TP53INP2: variants seen among roughly 807,000 people sequenced by gnomAD.
TP53INP2 encodes tumor protein p53 inducible nuclear protein 2.
In TP53INP2, 12 loss-of-function variants were observed where a neutral mutation model predicts 17.1. The ratio of observed to expected loss-of-function variants is 0.70; its 90% CI spans 0.45 to 1.14. The LOEUF is 1.14. Ranked by LOEUF, TP53INP2 falls within the 50% of genes most tolerant of loss-of-function variation. The probability of loss-of-function intolerance (pLI) is 0.00; values close to 1 mark genes in which losing one functional copy is unlikely to be tolerated. For missense variants in TP53INP2, 342 were observed against 330.9 expected (o/e 1.03, Z -0.26); for synonymous variants, 145 against 147.3 (o/e 0.98, Z 0.12).
chr20:34,709,254 C>A lies in TP53INP2; in HGVS notation c.143C>A (p.Pro48His). 6.3e-7 allele frequency: 1 copy of A among 1,575,170 alleles called. No homozygotes were observed. Among genetic ancestry groups the A allele is most frequent in the Non-Finnish European group, 8.6e-7 (1 of 1,160,276 alleles). The part of the protein sequence containing the change: ...IDLPDSYAAP[P>H]SPGAAPAPAG... ...CCCGTAGACAGCTACGCGGCTCCACCCAGCCCCGGGGCCGCCCCTGCCCCC... is the reference window on the plus strand; with the variant it reads ...CCCGTAGACAGCTACGCGGCTCCACACAGCCCCGGGGCCGCCCCTGCCCCC... The change falls in exon 4 of 5, where the codon CCC becomes CAC. Residue 48 changes from proline to histidine, a missense_variant. Coordinates refer to ENST00000374810, the MANE Select transcript of TP53INP2 (RefSeq NM_021202.3). This position sits in a 1 kb window ranked among gnomAD's most constrained non-coding sequence, Gnocchi z 5.4.
rs1172236542 is a variant in TP53INP2, at chr20:34,709,546, C to A, written c.413+22C>A. The A allele has an allele frequency of 6.3e-7, 1 of 1,594,576 alleles. No homozygotes were observed. The highest frequency in any genetic ancestry group is 2.2e-5 in the East Asian group (1 of 44,630). ...AAGGGTGAGCGGGCCGGGGGCGGAG[C>A]CTGGAGGCCCAGGGAGACGGATCTT... On this transcript the variant is annotated intron_variant, in intron 4 of 4. Transcript: ENST00000374810. The surrounding 1 kb of genome is among the most constrained non-coding windows in gnomAD (Gnocchi z 5.4).
At chr20:34,707,339 C>T (rs1287861802) in intron 2 of TP53INP2, among the ~76,000 whole-genome samples, 2 of 152,170 alleles carry the variant, frequency 1.3e-5, no homozygotes, top group Non-Finnish European at 2.9e-5. Flanking sequence ...CGAGGTGTGC[C>T]AAATCACATG....
At position 34,711,015 on chromosome 20, in the gene TP53INP2, T is replaced by C. The variant is rs1448591976; in HGVS notation, c.*708T>C. 2 of 153,152 alleles carry C rather than the reference T, an allele frequency of 1.3e-5. No individual in the cohort carries two copies. The highest frequency in any genetic ancestry group is 2.1e-4 in the South Asian group (1 of 4,846). The allele number at this position is 153,152 out of a possible 1,614,324, so 9.5% of individuals were successfully genotyped here. The stretch of plus-strand genomic sequence containing the variant: ...GGAATCTAGGGAACGAGGCAGCCTA[T>C]TGGAGATGCGGACAGGACAGACACG... On this transcript the variant is annotated 3_prime_UTR_variant, in exon 5 of 5. Coordinates refer to ENST00000374810, the MANE Select transcript of TP53INP2 (RefSeq NM_021202.3). The surrounding 1 kb of genome is among the most constrained non-coding windows in gnomAD (Gnocchi z 4.1).
chr20:34,705,289 G>A (rs1314303431), intron 1 of TP53INP2, 69 bp from the exon 2 acceptor site: 1 of 152,240 alleles, frequency 6.6e-6, no homozygotes, highest in Non-Finnish European at 1.5e-5. Flanking sequence ...CTGGGGACCC[G>A]ATCTTGGGCT....
rs369052205 is a variant in TP53INP2 at position 34,710,006 on chromosome 20, G to GCCCC, written c.414-52_414-51insCCCC. 5 of 1,244,766 alleles carry GCCCC rather than the reference G, an allele frequency of 4.0e-6. No homozygotes were observed. The highest frequency in any genetic ancestry group is 5.1e-6 in the Non-Finnish European group (5 of 985,502). 77.1% of individuals were successfully genotyped at this position (1,244,766 alleles called of 1,614,324 possible). Reference sequence around the variant, plus strand: ...GGGTGGGAGATGGCAGCGCCCTCTAGACCCCCCGCCCAGCTTACCCGGCTT... The same window carrying GCCCC: ...GGGTGGGAGATGGCAGCGCCCTCTAGCCCCACCCCCCGCCCAGCTTACCCGGCTT... On this transcript the variant is annotated intron_variant, in intron 4 of 4. Transcript: ENST00000374810. The surrounding 1 kb of genome is among the most constrained non-coding windows in gnomAD (Gnocchi z 4.9).
Position 34,710,564 on chromosome 20 carries a change from C to G in TP53INP2, c.*257C>G, listed in dbSNP as rs1189125459. ...TGCCCCCTACTCCTGGCCCCTCCAT[C>G]CTTTCTTCTCTGGTCCCCATCCCTG... is the stretch of plus-strand genomic sequence containing the variant. On this transcript the variant is annotated 3_prime_UTR_variant, in exon 5 of 5. Transcript: ENST00000374810. The surrounding 1 kb of genome is among the most constrained non-coding windows in gnomAD (Gnocchi z 4.9). The G allele has an allele frequency of 2.8e-6, 1 of 352,942 alleles. No individual in the cohort carries two copies. Among genetic ancestry groups the G allele is most frequent in the African/African-American group, 2.1e-5 (1 of 47,372 alleles). The allele number at this position is 352,942 out of a possible 1,614,324, so 21.9% of individuals were successfully genotyped here.
Position 34,709,932 on chromosome 20 carries a change from G to A in TP53INP2, c.414-126G>A. On this transcript the variant is annotated intron_variant, in intron 4 of 4. Transcript: ENST00000374810. This position sits in a 1 kb window ranked among gnomAD's most constrained non-coding sequence, Gnocchi z 5.4. Reference sequence around the variant, plus strand: ...ACCTCCGGGTTGGTACCCACAAGAAGGGCGTCGGGCACCCCAATCTGAACA... The same window carrying A: ...ACCTCCGGGTTGGTACCCACAAGAAAGGCGTCGGGCACCCCAATCTGAACA... The A allele has an allele frequency of 8.5e-7, 1 of 1,176,976 alleles. No individual in the cohort carries two copies. Among genetic ancestry groups the A allele is most frequent in the South Asian group, 2.4e-5 (1 of 42,362 alleles). The allele number at this position is 1,176,976 out of a possible 1,614,324, so 72.9% of individuals were successfully genotyped here. A position where few individuals can be genotyped will look rare whatever the true frequency, so the allele number is the denominator to read the frequency against.
chr20:34,710,006 G>GGGGCCC lies in TP53INP2; in HGVS notation c.414-52_414-51insGGGCCC. 8.0e-7 allele frequency: 1 copy of GGGGCCC among 1,244,686 alleles called. No individual in the cohort carries two copies. Among genetic ancestry groups the GGGGCCC allele is most frequent in the Non-Finnish European group, 1.0e-6 (1 of 985,418 alleles). The allele number at this position is 1,244,686 out of a possible 1,614,324, so 77.1% of individuals were successfully genotyped here. ...GGGTGGGAGATGGCAGCGCCCTCTA[G>GGGGCCC]ACCCCCCGCCCAGCTTACCCGGCTT... On this transcript the variant is annotated intron_variant, in intron 4 of 4. Transcript: ENST00000374810. This position sits in a 1 kb window ranked among gnomAD's most constrained non-coding sequence, Gnocchi z 4.9.
At position 34,710,013 on chromosome 20, in the gene TP53INP2, C is replaced by CCG. The variant is rs758340643; in HGVS notation, c.414-45_414-44insCG. 3.1e-6 allele frequency: 4 copies of CCG among 1,276,740 alleles called. 1 individual carries two copies. The highest frequency in any genetic ancestry group is 4.0e-6 in the Non-Finnish European group (4 of 1,008,102). The allele number at this position is 1,276,740 out of a possible 1,614,324, so 79.1% of individuals were successfully genotyped here. ...AGATGGCAGCGCCCTCTAGACCCCCCGCCCAGCTTACCCGGCTTGACCGAG... is the reference window on the plus strand; with the variant it reads ...AGATGGCAGCGCCCTCTAGACCCCCCCGGCCCAGCTTACCCGGCTTGACCGAG... On this transcript the variant is annotated intron_variant, in intron 4 of 4. Coordinates refer to ENST00000374810, the MANE Select transcript of TP53INP2 (RefSeq NM_021202.3). This position sits in a 1 kb window ranked among gnomAD's most constrained non-coding sequence, Gnocchi z 4.9.
chr20:34,710,692 T>G lies in TP53INP2; in HGVS notation c.*385T>G. On this transcript the variant is annotated 3_prime_UTR_variant, in exon 5 of 5. Transcript: ENST00000374810. The surrounding 1 kb of genome is among the most constrained non-coding windows in gnomAD (Gnocchi z 4.9). Reference sequence around the variant, plus strand: ...ATCTGGCTCATTCCCCACCTTCAACTCCCACCTTACATGTCTCACACTATC... The same window carrying G: ...ATCTGGCTCATTCCCCACCTTCAACGCCCACCTTACATGTCTCACACTATC... The G allele has an allele frequency of 5.7e-6, 1 of 176,414 alleles. No homozygotes were observed. The highest frequency in any genetic ancestry group is 1.2e-5 in the Non-Finnish European group (1 of 84,064). The allele number at this position is 176,414 out of a possible 1,614,324, so 10.9% of individuals were successfully genotyped here.
At position 34,709,253 on chromosome 20, in the gene TP53INP2, C is replaced by A. The variant is rs1336254374; in HGVS notation, c.142C>A (p.Pro48Thr). The A allele has an allele frequency of 6.4e-7, 1 of 1,574,196 alleles. No individual in the cohort carries two copies. Among genetic ancestry groups the A allele is most frequent in the Non-Finnish European group, 8.6e-7 (1 of 1,159,764 alleles). ...CCCCGTAGACAGCTACGCGGCTCCA[C>A]CCAGCCCCGGGGCCGCCCCTGCCCC... ...IDLPDSYAAP[P>T]SPGAAPAPAG... The change falls in exon 4 of 5, where the codon CCC (proline) becomes ACC (threonine). Residue 48 changes from proline to threonine, a missense_variant. By Grantham distance (38) the Pro-to-Thr change is conservative. Coordinates refer to ENST00000374810, the MANE Select transcript of TP53INP2 (RefSeq NM_021202.3). The surrounding 1 kb of genome is among the most constrained non-coding windows in gnomAD (Gnocchi z 5.4).
At chr20:34,707,297 G>A (rs962006397) in intron 2 of TP53INP2, among the ~76,000 whole-genome samples, 17 of 152,168 alleles carry the variant, frequency 1.1e-4, no homozygotes, top group Admixed American at 7.9e-4. Context: ...CTGCCGGCAT[G>A]CCATCTTTAC....
chr20:34,710,842 A>G lies in TP53INP2; in HGVS notation c.*535A>G, dbSNP rs1988170622. 6.6e-6 allele frequency: 1 copy of G among 152,340 alleles called. No homozygotes were observed. Among genetic ancestry groups the G allele is most frequent in the African/African-American group, 2.4e-5 (1 of 41,408 alleles). The allele number at this position is 152,340 out of a possible 1,614,324, so 9.4% of individuals were successfully genotyped here. On this transcript the variant is annotated 3_prime_UTR_variant, in exon 5 of 5. Coordinates refer to ENST00000374810, the MANE Select transcript of TP53INP2 (RefSeq NM_021202.3). This position sits in a 1 kb window ranked among gnomAD's most constrained non-coding sequence, Gnocchi z 4.9. The stretch of plus-strand genomic sequence containing the variant: ...AGCCTGTGCAGCCTGGGCTGCTGTC[A>G]TTGCCCTCCAGTAAGGGCTCAGGGT...
intron 2 of TP53INP2, among the ~76,000 whole-genome samples, chr20:34,707,276 G>A (rs569322406): frequency 2.6e-5 from 4 of 152,164 alleles, no homozygotes; most frequent in African/African-American, 9.7e-5. Context: ...GGGGGTCAGA[G>A]GGGGGAGGGC....
chr20:34,706,834 C>A (rs542156751), intron 2 of TP53INP2, among the ~76,000 whole-genome samples: 1 of 152,274 alleles, frequency 6.6e-6, no homozygotes, highest in Non-Finnish European at 1.5e-5. Flanking sequence ...GGAAGTTCTA[C>A]AGGAAGTGTG....
At chr20:34,706,804 G>C (rs1032990751) in intron 2 of TP53INP2, among the ~76,000 whole-genome samples, 1 of 152,200 alleles carries the variant, frequency 6.6e-6, no homozygotes, top group South Asian at 2.1e-4. Flanking sequence ...TGCCTTCAGG[G>C]AAGTCTGGAC....
Position 34,708,942 on chromosome 20 carries a change from G to A in TP53INP2, c.124+79G>A. ...CCTAGCAGCGGAGGGGAAGGGCGCT[G>A]CTGGGGGACGGGGGAGTCCCCCAAG... On this transcript the variant is annotated intron_variant, in intron 3 of 4. Coordinates refer to ENST00000374810, the MANE Select transcript of TP53INP2 (RefSeq NM_021202.3). 1.9e-6 allele frequency: 3 copies of A among 1,555,754 alleles called. No individual in the cohort carries two copies. The East Asian group carries it at 6.8e-5, about 35-fold the overall frequency.
rs1394593409 is a variant in TP53INP2 at position 34,710,056 on chromosome 20, A to C, written c.414-2A>C. The C allele has an allele frequency of 3.9e-6, 5 of 1,278,586 alleles. No individual in the cohort carries two copies. Among genetic ancestry groups the C allele is most frequent in the Non-Finnish European group, 4.9e-6 (5 of 1,015,912 alleles). The allele number at this position is 1,278,586 out of a possible 1,614,324, so 79.2% of individuals were successfully genotyped here. A position where few individuals can be genotyped will look rare whatever the true frequency, so the allele number is the denominator to read the frequency against. On this transcript the variant is annotated splice_acceptor_variant, in intron 4 of 4. Transcript: ENST00000374810. LOFTEE classifies it high-confidence loss of function. This position sits in a 1 kb window ranked among gnomAD's most constrained non-coding sequence, Gnocchi z 4.9. ...TGACCGAGCCTGGCTCTGTCCTCAC[A>C]GGGAATTGACGCCCGCCCGCCGCGA...
rs1988066749 is a variant in TP53INP2 at position 34,708,867 on chromosome 20, A to T, written c.124+4A>T. ...TGGCTCATCATTGACCTGCCGGGTGAGGCCTGGGTCTGTCTCCTGGGCCTG... is the reference window on the plus strand; with the variant it reads ...TGGCTCATCATTGACCTGCCGGGTGTGGCCTGGGTCTGTCTCCTGGGCCTG... On this transcript the variant is annotated splice_donor_region_variant and intron_variant, in intron 3 of 4. Transcript: ENST00000374810. 1.2e-6 allele frequency: 2 copies of T among 1,612,880 alleles called. No homozygotes were observed. Among genetic ancestry groups the T allele is most frequent in the Non-Finnish European group, 1.7e-6 (2 of 1,179,358 alleles).
Sources: allele counts gnomAD v4.1 joint callset (sites outside exome capture counted in the v4.1 genomes callset), GRCh38; gene constraint gnomAD v4.1.1; non-coding constraint Gnocchi (gnomAD v3.1); transcripts MANE v1.5; gene names NCBI Gene and HGNC (gene_info 2026-07-23, HGNC 2026-07-21).